The following PTPRN2 variants were observed in gnomAD, a reference collection of about 807,000 sequenced individuals.
The protein encoded by PTPRN2 is protein tyrosine phosphatase receptor type N2.
In PTPRN2, 74 loss-of-function variants were observed where a neutral mutation model predicts 118.8. The ratio of observed to expected loss-of-function variants is 0.62; its 90% CI spans 0.52 to 0.76. The LOEUF (loss-of-function observed/expected upper bound fraction) is 0.76. PTPRN2 is among the 30% of genes least tolerant of loss of function. The probability of loss-of-function intolerance (pLI) is 0.00; values close to 1 mark genes in which losing one functional copy is unlikely to be tolerated. For synonymous variants in PTPRN2, 641 were observed against 608.0 expected (o/e 1.05, Z -0.80); for missense variants, 1,481 against 1,394.4 (o/e 1.06, Z -0.99).
chr7:158,270,784 C>G (rs1461185796), intron 3 of PTPRN2, among the ~76,000 whole-genome samples: 2 of 118,176 alleles, frequency 1.7e-5, no homozygotes, highest in African/African-American at 3.7e-5. Flanking sequence ...ACCTGGACCA[C>G]CCCTCCACCT....
intron 2 of PTPRN2, among the ~76,000 whole-genome samples, chr7:158,385,118 G>C (rs1811237082): frequency 6.6e-6 from 1 of 152,170 alleles, no homozygotes. Flanking sequence ...CTGAAGCATG[G>C]AATAATAAAT....
intron 11 of PTPRN2, among the ~76,000 whole-genome samples, chr7:157,962,055 G>A (rs577348516): frequency 3.3e-5 from 5 of 152,314 alleles, no homozygotes; most frequent in Admixed American, 2.0e-4. Flanking sequence ...GCACACAAGC[G>A]GCGCAGTCCC....
intron 2 of PTPRN2, among the ~76,000 whole-genome samples, chr7:158,382,895 A>G (rs1395197787): frequency 1.3e-5 from 2 of 152,202 alleles, no homozygotes; most frequent in African/African-American, 2.4e-5. Context: ...AATGAGTTGG[A>G]AAAAAGTGCA....
intron 22 of PTPRN2, among the ~76,000 whole-genome samples, chr7:157,541,204 C>T (rs1244580855): frequency 1.3e-5 from 2 of 152,200 alleles, no homozygotes; most frequent in African/African-American, 4.8e-5. Flanking sequence ...ACTACAAAGA[C>T]GTGGCCATTA....
At chr7:158,037,092 A>G (rs2128886529) in intron 11 of PTPRN2, among the ~76,000 whole-genome samples, 1 of 152,368 alleles carries the variant, frequency 6.6e-6, no homozygotes, top group South Asian at 2.1e-4. Context: ...GCAACAACCA[A>G]TTATATAATA....
At chr7:158,067,646 C>T (rs896453088) in intron 11 of PTPRN2, among the ~76,000 whole-genome samples, 6 of 152,122 alleles carry the variant, frequency 3.9e-5, no homozygotes, top group Admixed American at 3.9e-4. Flanking sequence ...GGCAGTCCAC[C>T]GTGACCACGC....
intron 10 of PTPRN2, among the ~76,000 whole-genome samples, chr7:158,101,237 G>T (rs1259200108): frequency 6.6e-6 from 1 of 152,176 alleles, no homozygotes; most frequent in Non-Finnish European, 1.5e-5. Flanking sequence ...ACAGCCAACT[G>T]ATCTTCGATA....
chr7:157,889,977 G>C (rs1268332800), intron 12 of PTPRN2, among the ~76,000 whole-genome samples: 1 of 151,990 alleles, frequency 6.6e-6, no homozygotes, highest in Non-Finnish European at 1.5e-5. Context: ...CTGCCTTTAA[G>C]TTTAGAGTTC....
intron 10 of PTPRN2, among the ~76,000 whole-genome samples, chr7:158,108,145 C>A (rs999922630): frequency 6.6e-6 from 1 of 152,148 alleles, no homozygotes; most frequent in South Asian, 2.1e-4. Flanking sequence ...GAGTACGTGA[C>A]CCTTTGCTCA....
At chr7:158,173,296 G>A (rs565702843) in intron 5 of PTPRN2, among the ~76,000 whole-genome samples, 2 of 152,276 alleles carry the variant, frequency 1.3e-5, no homozygotes, top group East Asian at 1.9e-4. Context: ...CTAAGTGTTG[G>A]CCAGTCTGAG....
At chr7:158,500,957 C>G (rs1486334543) in intron 1 of PTPRN2, among the ~76,000 whole-genome samples, 1 of 152,224 alleles carries the variant, frequency 6.6e-6, no homozygotes, top group Non-Finnish European at 1.5e-5. Flanking sequence ...CTTGCACACG[C>G]GAGGGTGTGA....
At chr7:158,257,577 C>T (rs1797112292) in intron 3 of PTPRN2, among the ~76,000 whole-genome samples, 1 of 152,234 alleles carries the variant, frequency 6.6e-6, no homozygotes, top group South Asian at 2.1e-4. Context: ...CGACCCCGAG[C>T]CCCCAGTTGG....
Position 157,893,902 on chromosome 7 carries a change from A to G in PTPRN2, c.1788+4771T>C, listed in dbSNP as rs1471818146. ...GCTGGTCGACTTGAAGGGAACAGAG[A>G]TGGCCGTCGCGCCCAGTGAGAGCAG... On this transcript the variant is annotated intron_variant, in intron 12 of 22. Coordinates refer to ENST00000389418, the MANE Select transcript of PTPRN2 (RefSeq NM_002847.5). The surrounding 1 kb of genome is among the most constrained non-coding windows in gnomAD (Gnocchi z 4.0). Among the ~76,000 whole-genome samples the G allele has an allele frequency of 6.6e-6, 1 of 152,120 alleles. No individual in the cohort carries two copies. Among genetic ancestry groups the G allele is most frequent in the East Asian group, 1.9e-4 (1 of 5,194 alleles).
chr7:158,317,882 G>C (rs536923525), intron 2 of PTPRN2, among the ~76,000 whole-genome samples: 4 of 152,314 alleles, frequency 2.6e-5, no homozygotes, highest in East Asian at 1.9e-4. Context: ...TGCTCACGAC[G>C]ACGGGGCCGG....
At chr7:158,289,578 T>A (rs1396885241) in intron 3 of PTPRN2, among the ~76,000 whole-genome samples, 9 of 152,258 alleles carry the variant, frequency 5.9e-5, no homozygotes, top group Non-Finnish European at 1.2e-4. Context: ...TTTATTGAAT[T>A]GTTTTTCTAT....
At chr7:157,814,499 C>T (rs115146190) in intron 12 of PTPRN2, among the ~76,000 whole-genome samples, 19 of 122,916 alleles carry the variant, frequency 1.5e-4, no homozygotes, top group Admixed American at 3.7e-4. Context: ...AGGAGAGACA[C>T]GGGGCAGGAC....
chr7:158,379,332 C>T (rs528053201), intron 2 of PTPRN2, among the ~76,000 whole-genome samples: 1 of 152,124 alleles, frequency 6.6e-6, no homozygotes. Flanking sequence ...GCAGCCAAGA[C>T]CCACCTTCAT....
chr7:158,556,823 C>T lies in PTPRN2; in HGVS notation c.112+30735G>A, dbSNP rs148967520. Among the ~76,000 whole-genome samples the T allele has an allele frequency of 5.6e-3, 675 of 119,488 alleles. 3 individuals carry two copies. Among genetic ancestry groups the T allele is most frequent in the Non-Finnish European group, 6.8e-3 (406 of 59,698 alleles). The allele number at this position is 119,488 out of a possible 152,430, so 78.4% of individuals were successfully genotyped here. ...GCGGCTCCCGCGCAGGTCGCTCCCACGCAGGTCAGGCAGCTCCCGCGCAGG... is the reference window on the plus strand; with the variant it reads ...GCGGCTCCCGCGCAGGTCGCTCCCATGCAGGTCAGGCAGCTCCCGCGCAGG... On this transcript the variant is annotated intron_variant, in intron 1 of 22. Transcript: ENST00000389418.
At chr7:158,441,585 GGTGGTGGTGATA>G (rs1817237684) in intron 2 of PTPRN2, among the ~76,000 whole-genome samples, 1 of 146,250 alleles carries the variant, frequency 6.8e-6, no homozygotes, top group Admixed American at 6.7e-5. Context: ...TGGCAGTGGT[GGTGGTGGTGATA>G]GTGATGGTGA....
Sources: allele counts gnomAD v4.1 joint callset (sites outside exome capture counted in the v4.1 genomes callset), GRCh38; gene constraint gnomAD v4.1.1; non-coding constraint Gnocchi (gnomAD v3.1); transcripts MANE v1.5; gene names NCBI Gene and HGNC (gene_info 2026-07-23, HGNC 2026-07-21).